ARHGAP15: variants seen among roughly 807,000 people sequenced by gnomAD.
ARHGAP15 encodes the protein rho GTPase-activating protein 15.
ARHGAP15 carries 51 observed loss-of-function variants against 63.7 expected under a neutral mutation model. That is an observed-to-expected ratio of 0.80 (90% confidence interval 0.64 to 1.01). ARHGAP15 has a LOEUF of 1.01. Among genes scored for constraint, ARHGAP15 ranks in the 50% least tolerant of loss-of-function variants. The pLI is 0.00. For synonymous variants in ARHGAP15, 191 were observed against 193.8 expected (o/e 0.99, Z 0.12); for missense variants, 560 against 564.6 (o/e 0.99, Z 0.08).
rs1458269997 is a variant in ARHGAP15, at chr2:143,624,287, G to C, written c.1138+20G>C. On this transcript the variant is annotated intron_variant, in intron 12 of 13. Transcript: ENST00000295095. ...CGATCAGTAAGTACCTCACAGAAAA[G>C]GGCAGGTGGTAGAATAACCTGACAT... 1 of 1,597,098 alleles carries C rather than the reference G, an allele frequency of 6.3e-7. No homozygotes were observed. Among genetic ancestry groups the C allele is most frequent in the Non-Finnish European group, 8.6e-7 (1 of 1,169,508 alleles).
At chr2:143,511,575 T>TGTTG (rs1693591935) in intron 9 of ARHGAP15, among the ~76,000 whole-genome samples, 1 of 151,370 alleles carries the variant, frequency 6.6e-6, no homozygotes, top group Non-Finnish European at 1.5e-5. Context: ...CTTTTTTGTT[T>TGTTG]GTTTGTTTGT....
rs865909538 is a variant in ARHGAP15 at position 143,240,166 on chromosome 2, A to C, written c.385-10345A>C. 4.0e-5 allele frequency among the ~76,000 whole-genome samples: 6 copies of C among 151,712 alleles called. No individual in the cohort carries two copies. In the South Asian group the frequency reaches 8.3e-4, roughly 21 times the overall value. ...ACTACAGGCTAGGCAATAGAATGAG[A>C]CTCTGTCTCTAAAAAAATAAAACAA... is the stretch of plus-strand genomic sequence containing the variant. On this transcript the variant is annotated intron_variant, in intron 5 of 13. Coordinates refer to ENST00000295095, the MANE Select transcript of ARHGAP15 (RefSeq NM_018460.4).
intron 11 of ARHGAP15, among the ~76,000 whole-genome samples, chr2:143,585,648 T>A (rs1697081859): frequency 6.6e-6 from 1 of 152,170 alleles, no homozygotes; most frequent in Non-Finnish European, 1.5e-5. Flanking sequence ...CCAAGAAATA[T>A]TAGCTTCTGA....
At chr2:143,443,145 C>G (rs1163548049) in intron 8 of ARHGAP15, among the ~76,000 whole-genome samples, 2 of 152,138 alleles carry the variant, frequency 1.3e-5, no homozygotes, top group Non-Finnish European at 2.9e-5. Context: ...GAAGCCTGTT[C>G]TGGAGGCTCA....
chr2:143,667,612 G>A lies in ARHGAP15; in HGVS notation c.1139-35807G>A, dbSNP rs567584895. 1.1e-3 allele frequency among the ~76,000 whole-genome samples: 169 copies of A among 147,264 alleles called. 1 individual carries two copies. Among genetic ancestry groups the A allele is most frequent in the African/African-American group, 3.5e-3 (136 of 39,410 alleles). ...AAAAAAAAAAAAAAAAAGAAAAGAA[G>A]TGCTCAAGGGAAGTTTGTTAATTTA... On this transcript the variant is annotated intron_variant, in intron 12 of 13. Coordinates refer to ENST00000295095, the MANE Select transcript of ARHGAP15 (RefSeq NM_018460.4).
intron 11 of ARHGAP15, chr2:143,598,010 TCATGAGGGCAAAGCCTTTATGA>T (rs747724266): frequency 1.2e-4 from 18 of 152,228 alleles, no homozygotes; most frequent in Middle Eastern, 6.8e-3. Context: ...ATTAATCCAT[TCATGAGGGCAAAGCCTTTATGA>T]CCTAAACTCC....
At chr2:143,487,214 T>A (rs1013897741) in intron 8 of ARHGAP15, 159 bp from the exon 9 acceptor site, 5 of 747,126 alleles carry the variant, frequency 6.7e-6, no homozygotes, top group Non-Finnish European at 1.1e-5. Flanking sequence ...TACTTTCATG[T>A]GGGCAAATTT....
At chr2:143,248,743 A>G (rs1324969858) in intron 5 of ARHGAP15, among the ~76,000 whole-genome samples, 5 of 152,166 alleles carry the variant, frequency 3.3e-5, no homozygotes, top group Non-Finnish European at 7.4e-5. Flanking sequence ...AAAATACGGA[A>G]TCTTCCTCAT....
intron 6 of ARHGAP15, among the ~76,000 whole-genome samples, chr2:143,399,332 T>TCACTTAGGCTCAA (rs1294644671): frequency 6.8e-6 from 1 of 146,394 alleles, no homozygotes; most frequent in African/African-American, 2.5e-5. Flanking sequence ...GTAAACCATT[T>TCACTTAGGCTCAA]CACTTAGGCT....
Position 143,675,204 on chromosome 2 carries a change from G to C in ARHGAP15, c.1139-28215G>C, listed in dbSNP as rs554750452. On this transcript the variant is annotated intron_variant, in intron 12 of 13. Transcript: ENST00000295095. ...ATTAAAGTTTTGTCATGAGATTTGA[G>C]CAAATTAGTCATTTATCTTCAGGCT... is the stretch of plus-strand genomic sequence containing the variant. Among the ~76,000 whole-genome samples the C allele has an allele frequency of 2.0e-5, 3 of 152,272 alleles. No homozygotes were observed. The East Asian group carries it at 5.8e-4, about 29-fold the overall frequency.
intron 10 of ARHGAP15, 124 bp downstream of exon 10, chr2:143,519,488 T>G: frequency 1.5e-6 from 1 of 671,610 alleles, no homozygotes; most frequent in Non-Finnish European, 2.6e-6. Flanking sequence ...CTTGTGTTAA[T>G]CGGTTAAGAG....
At position 143,439,354 on chromosome 2, in the gene ARHGAP15, C is replaced by T. The variant is rs1490065731; in HGVS notation, c.703+2312C>T. Among the ~76,000 whole-genome samples, 14 of 127,894 alleles carry T rather than the reference C, an allele frequency of 1.1e-4. No homozygotes were observed. The East Asian group carries it at 1.3e-3, about 12-fold the overall frequency. 83.9% of individuals were successfully genotyped at this position (127,894 alleles called of 152,430 possible). A position where few individuals can be genotyped will look rare whatever the true frequency, so the allele number is the denominator to read the frequency against. On this transcript the variant is annotated intron_variant, in intron 8 of 13. Transcript: ENST00000295095. Reference sequence around the variant, plus strand: ...ACAAGAATTGCTTCAACCCGGGAGGCGGAAGTTGCAGTGAGCTAAGATTTC... The same window carrying T: ...ACAAGAATTGCTTCAACCCGGGAGGTGGAAGTTGCAGTGAGCTAAGATTTC...
At chr2:143,760,919 A>T (rs1353959148) in intron 13 of ARHGAP15, among the ~76,000 whole-genome samples, 2 of 152,178 alleles carry the variant, frequency 1.3e-5, no homozygotes, top group African/African-American at 2.4e-5. Context: ...CATATAAAAA[A>T]TGGCTGAATT....
chr2:143,278,866 TTC>T (rs1419693442), intron 6 of ARHGAP15, among the ~76,000 whole-genome samples: 4 of 131,494 alleles, frequency 3.0e-5, no homozygotes, highest in African/African-American at 6.3e-5. Context: ...GTTTCTTTCT[TTC>T]TTTTTTTTTT....
chr2:143,556,399 T>C lies in ARHGAP15; in HGVS notation c.926-9T>C. The C allele has an allele frequency of 6.3e-7, 1 of 1,598,728 alleles. No individual in the cohort carries two copies. Among genetic ancestry groups the C allele is most frequent in the Non-Finnish European group, 8.5e-7 (1 of 1,171,432 alleles). On this transcript the variant is annotated splice_polypyrimidine_tract_variant and intron_variant, in intron 10 of 13. Coordinates refer to ENST00000295095, the MANE Select transcript of ARHGAP15 (RefSeq NM_018460.4). ...TGTGCTAATATAAAATATGCCCTTTTGTCTTCAGGTCTAGATGTTGATGGA... is the reference window on the plus strand; with the variant it reads ...TGTGCTAATATAAAATATGCCCTTTCGTCTTCAGGTCTAGATGTTGATGGA...
At chr2:143,493,982 TTC>T (rs1245284335) in intron 9 of ARHGAP15, among the ~76,000 whole-genome samples, 1 of 152,158 alleles carries the variant, frequency 6.6e-6, no homozygotes, top group African/African-American at 2.4e-5. Flanking sequence ...TACTTTGAAT[TTC>T]TCTCTCTCAG....
chr2:143,648,516 C>G (rs1176203438), intron 12 of ARHGAP15, among the ~76,000 whole-genome samples: 1 of 152,010 alleles, frequency 6.6e-6, no homozygotes, highest in Non-Finnish European at 1.5e-5. Context: ...CATGTTGAAG[C>G]TGGACATGTC....
intron 11 of ARHGAP15, among the ~76,000 whole-genome samples, chr2:143,588,405 C>T (rs377593378): frequency 6.6e-6 from 1 of 151,994 alleles, no homozygotes; most frequent in Non-Finnish European, 1.5e-5. Context: ...ATGTGCAGAA[C>T]GTGAGGTTTG....
At chr2:143,199,820 T>C (rs16858815) in intron 2 of ARHGAP15, among the ~76,000 whole-genome samples, 25,742 of 151,986 alleles carry the variant, frequency 0.17, 2,380 homozygotes, top group Middle Eastern at 0.24. Flanking sequence ...AGCCTAAAGT[T>C]CCATCCAGTT....
Sources: gnomAD v4.1 joint callset for allele counts (sites outside exome capture counted in the v4.1 genomes callset) on GRCh38, gnomAD v4.1.1 for gene constraint, MANE v1.5 for transcripts, NCBI Gene and HGNC (gene_info 2026-07-23, HGNC 2026-07-21) for gene names.